ST6GAL1: variants seen among roughly 807,000 people sequenced by gnomAD.
ST6GAL1 encodes ST6 beta-galactoside alpha-2,6-sialyltransferase 1.
ST6GAL1 carries 20 observed loss-of-function variants against 38.0 expected under a neutral mutation model. That is an observed-to-expected ratio of 0.53 (90% CI 0.37 to 0.77). The LOEUF is 0.77. Among genes scored for constraint, ST6GAL1 ranks in the 30% least tolerant of loss-of-function variants. ST6GAL1 has a pLI of 0.00. For missense variants in ST6GAL1, 432 were observed against 496.4 expected (o/e 0.87, Z 1.23); for synonymous variants, 196 against 188.2 (o/e 1.04, Z -0.34).
intron 4 of ST6GAL1, chr3:187,043,611 C>T (rs535995529): frequency 8.9e-5 from 17 of 190,416 alleles, no homozygotes; most frequent in African/African-American, 3.5e-4. Context: ...TGTAATGATC[C>T]AATCAGGGTA....
intron 2 of ST6GAL1, among the ~76,000 whole-genome samples, chr3:186,982,318 C>CT (rs1204848942): frequency 6.6e-6 from 1 of 152,184 alleles, no homozygotes; most frequent in Non-Finnish European, 1.5e-5. Flanking sequence ...CATTCCTAAC[C>CT]TTTTTCCATG....
Position 187,072,867 on chromosome 3 carries a change from C to T in ST6GAL1, c.724C>T (p.Arg242Cys), listed in dbSNP as rs746832232. 15 of 1,613,888 alleles carry T rather than the reference C, an allele frequency of 9.3e-6. No individual in the cohort carries two copies. Among genetic ancestry groups the T allele is most frequent in the East Asian group, 4.5e-5 (2 of 44,880 alleles). The change falls in exon 6 of 8, where the codon CGC becomes TGC. Residue 242 changes from arginine to cysteine, a missense_variant. Coordinates refer to ENST00000169298, the MANE Select transcript of ST6GAL1 (RefSeq NM_173216.2). ...MNSQLVTTEK[R>C]FLKDSLYNEG... ...CCTGCAGTTGGTTACCACAGAGAAG[C>T]GCTTCCTCAAAGACAGTTTGTACAA...
At chr3:187,012,246 C>T (rs906841536) in intron 2 of ST6GAL1, among the ~76,000 whole-genome samples, 1 of 149,824 alleles carries the variant, frequency 6.7e-6, no homozygotes, top group Non-Finnish European at 1.5e-5. Context: ...GTATTTACTG[C>T]ATTTTTTTTC....
chr3:187,038,417 C>G (rs1260940937), intron 2 of ST6GAL1: 3 of 151,918 alleles, frequency 2.0e-5, no homozygotes, highest in Non-Finnish European at 4.4e-5. Flanking sequence ...ACCGTGTTAG[C>G]CAAGATGGTC....
At chr3:187,025,786 C>T (rs932644309) in intron 2 of ST6GAL1, among the ~76,000 whole-genome samples, 22 of 152,158 alleles carry the variant, frequency 1.4e-4, no homozygotes, top group Non-Finnish European at 1.5e-5. Context: ...GTGGTTGGCT[C>T]TGGTCAGGGA....
intron 2 of ST6GAL1, among the ~76,000 whole-genome samples, chr3:187,031,659 T>C (rs1340009799): frequency 6.6e-6 from 1 of 152,184 alleles, no homozygotes; most frequent in Non-Finnish European, 1.5e-5. Context: ...GGTCACGGGC[T>C]TCTGACTTCA....
chr3:186,940,893 A>G (rs1412394111), intron 1 of ST6GAL1, among the ~76,000 whole-genome samples: 1 of 151,018 alleles, frequency 6.6e-6, no homozygotes, highest in East Asian at 1.9e-4. Flanking sequence ...ATATATTTCT[A>G]AGTGTTTTTA....
At chr3:186,948,528 AGTGT>A (rs36234165) in intron 1 of ST6GAL1, among the ~76,000 whole-genome samples, 10,632 of 146,078 alleles carry the variant, frequency 0.073, 421 homozygotes, top group Non-Finnish European at 0.084. Flanking sequence ...CAGAAACTCT[AGTGT>A]GTGTGTGTGT....
chr3:186,938,835 A>G (rs1326404506), intron 1 of ST6GAL1, among the ~76,000 whole-genome samples: 1 of 152,168 alleles, frequency 6.6e-6, no homozygotes, highest in African/African-American at 2.4e-5. Context: ...ATTACGTGCA[A>G]GTACATCCCA....
intron 2 of ST6GAL1, among the ~76,000 whole-genome samples, chr3:186,965,716 G>GAACTTACACTCAC (rs1715088178): frequency 2.6e-5 from 4 of 152,146 alleles, no homozygotes; most frequent in African/African-American, 9.7e-5. Flanking sequence ...CCTCCTCACA[G>GAACTTACACTCAC]AGCTTACATA....
At chr3:186,954,947 G>T (rs1305833896) in intron 1 of ST6GAL1, among the ~76,000 whole-genome samples, 1 of 152,014 alleles carries the variant, frequency 6.6e-6, no homozygotes, top group Non-Finnish European at 1.5e-5. Flanking sequence ...TTTCTTCTAG[G>T]GTTTTTATAG....
chr3:187,060,714 G>C (rs1302851252), intron 5 of ST6GAL1, among the ~76,000 whole-genome samples: 2 of 152,200 alleles, frequency 1.3e-5, no homozygotes, highest in African/African-American at 4.8e-5. Context: ...GAAGTAAAGG[G>C]AGAGGGGCCA....
At chr3:187,032,325 C>T (rs1347538554) in intron 2 of ST6GAL1, among the ~76,000 whole-genome samples, 1 of 152,102 alleles carries the variant, frequency 6.6e-6, no homozygotes, top group Non-Finnish European at 1.5e-5. Flanking sequence ...TTCTGGCTGC[C>T]AGCTGGAGGA....
At chr3:187,044,345 T>C (rs1257452887) in intron 4 of ST6GAL1, among the ~76,000 whole-genome samples, 6 of 152,160 alleles carry the variant, frequency 3.9e-5, no homozygotes, top group Admixed American at 1.3e-4. Flanking sequence ...TACGTCTCCT[T>C]TTTTATTTCC....
At chr3:186,953,868 G>C (rs558689970) in intron 1 of ST6GAL1, among the ~76,000 whole-genome samples, 1 of 148,712 alleles carries the variant, frequency 6.7e-6, no homozygotes, top group Non-Finnish European at 1.5e-5. Context: ...TGTGTAGGAT[G>C]TGCAGGTTTG....
chr3:187,016,105 C>A (rs1560163493), intron 2 of ST6GAL1, among the ~76,000 whole-genome samples: 2 of 152,200 alleles, frequency 1.3e-5, no homozygotes, highest in African/African-American at 2.4e-5. Flanking sequence ...TTCATCCTTC[C>A]TTTCTTTCTG....
chr3:187,031,672 T>C (rs1052903159), intron 2 of ST6GAL1, among the ~76,000 whole-genome samples: 6 of 152,158 alleles, frequency 3.9e-5, no homozygotes, highest in African/African-American at 1.4e-4. Flanking sequence ...TGACTTCAAG[T>C]CATCCACCTG....
At position 186,935,592 on chromosome 3, in the gene ST6GAL1, T is replaced by G. The variant is rs3954167; in HGVS notation, c.-325+4758T>G. Among the ~76,000 whole-genome samples the G allele has an allele frequency of 2.6e-5, 4 of 152,266 alleles. No individual in the cohort carries two copies. The South Asian group carries it at 6.2e-4, about 24-fold the overall frequency. ...GCAATCCCCACACTGCTTTCTACAA[T>G]GGTTGAACTAATTTACACTCCCACC... On this transcript the variant is annotated intron_variant, in intron 1 of 7. Coordinates refer to ENST00000169298, the MANE Select transcript of ST6GAL1 (RefSeq NM_173216.2).
At chr3:186,954,850 C>T (rs1177287103) in intron 1 of ST6GAL1, among the ~76,000 whole-genome samples, 2 of 152,148 alleles carry the variant, frequency 1.3e-5, no homozygotes, top group Non-Finnish European at 1.5e-5. Flanking sequence ...TCCCATTTGT[C>T]AATTTCTGCT....
Sources: allele counts gnomAD v4.1 joint callset (sites outside exome capture counted in the v4.1 genomes callset), GRCh38; gene constraint gnomAD v4.1.1; transcripts MANE v1.5; gene names NCBI Gene and HGNC (gene_info 2026-07-23, HGNC 2026-07-21).